The following USP9X variants were observed in gnomAD, a reference collection of about 807,000 sequenced individuals.
USP9X encodes ubiquitin specific peptidase 9 X-linked.
Under a neutral mutation model 190.3 loss-of-function variants are expected in USP9X, and 7 were observed. That is an observed-to-expected ratio of 0.04 (90% CI 0.02 to 0.07). The LOEUF is 0.07. USP9X is among the 10% of genes least tolerant of loss of function. The pLI is 1.00. For missense variants in USP9X, 1,010 were observed against 1,916.9 expected (o/e 0.53, Z 8.83); for synonymous variants, 645 against 659.5 (o/e 0.98, Z 0.34).
intron 12 of USP9X, among the ~76,000 whole-genome samples, chrX:41,150,364 A>G (rs1239474391): frequency 9.0e-6 from 1 of 111,651 alleles, no homozygotes; most frequent in Non-Finnish European, 1.9e-5. Flanking sequence ...TTTTAAGTTT[A>G]TATCTGCCTC....
At chrX:41,131,570 A>G (rs748679574) in intron 4 of USP9X, 34 bp downstream of exon 4, 21 of 1,109,385 alleles carry the variant, frequency 1.9e-5, no homozygotes, top group Admixed American at 2.3e-5. Flanking sequence ...CCTATAATGT[A>G]TGCTACTAGA....
intron 1 of USP9X, among the ~76,000 whole-genome samples, chrX:41,097,518 A>C (rs760362430): frequency 8.9e-6 from 1 of 112,062 alleles, no homozygotes; most frequent in East Asian, 2.8e-4. Flanking sequence ...GGTTACAGCC[A>C]TTGATGATTT....
At chrX:41,143,148 A>G (rs1601967338) in intron 9 of USP9X, 143 bp from the exon 10 acceptor site, 1 of 410,542 alleles carries the variant, frequency 2.4e-6, no homozygotes, top group East Asian at 4.7e-5. Context: ...TTTCCATTAA[A>G]GCAACACATA....
Position 41,215,888 on chromosome X carries a change from G to T in USP9X, c.5332-11G>T. The T allele has an allele frequency of 1.4e-5, 16 of 1,152,198 alleles. No individual in the cohort carries two copies. Among genetic ancestry groups the T allele is most frequent in the Admixed American group, 2.4e-5 (1 of 41,406 alleles). The allele number at this position is 1,152,198 out of a possible 1,213,427, so 95.0% of individuals were successfully genotyped here. On this transcript the variant is annotated splice_polypyrimidine_tract_variant and intron_variant, in intron 34 of 44. Coordinates refer to ENST00000378308, the MANE Select transcript of USP9X (RefSeq NM_001039591.3). ...ATAGAACATCTGGTAACTTTGTCTT[G>T]TTTATTTTAGGTTGATACCGTAAAG...
At chrX:41,190,579 T>C (rs2062924483) in intron 26 of USP9X, among the ~76,000 whole-genome samples, 1 of 111,738 alleles carries the variant, frequency 8.9e-6, no homozygotes, top group African/African-American at 3.3e-5. Flanking sequence ...ATGGTGAGGA[T>C]AGGAAAGATG....
Position 41,168,173 on chromosome X carries a change from G to A in USP9X, c.2591G>A (p.Cys864Tyr). 1.7e-6 allele frequency: 2 copies of A among 1,209,721 alleles called. No homozygotes were observed. Among genetic ancestry groups the A allele is most frequent in the Non-Finnish European group, 2.2e-6 (2 of 894,602 alleles). The change falls in exon 18 of 45, where the codon TGT becomes TAT. Residue 864 changes from cysteine (C) to tyrosine (Y), a missense_variant. Cys to Tyr is a radical substitution (Grantham distance 194). Coordinates refer to ENST00000378308, the MANE Select transcript of USP9X (RefSeq NM_001039591.3). ...LTVLREYINE[C>Y]DSDYHEERTI... The stretch of plus-strand genomic sequence containing the variant: ...GTTTTAAGGGAATATATAAATGAAT[G>A]TGACAGTGATTATCATGAGGAAAGA...
rs377036436 is a variant in USP9X at position 41,184,566 on chromosome X, A to C, written c.3449A>C (p.Asn1150Thr). The C allele has an allele frequency of 3.3e-6, 4 of 1,211,702 alleles. No homozygotes were observed. Among genetic ancestry groups the C allele is most frequent in the Non-Finnish European group, 4.5e-6 (4 of 895,481 alleles). ...GAAACTCGAAGGGGTGCCTACCTCA[A>C]TGCTCTTAAAATAGCCAAGCTTTTG... ...DMETRRGAYLNALKIAKLLLT... is the reference protein window; with the variant it reads ...DMETRRGAYLTALKIAKLLLT... The change falls in exon 23 of 45, where the codon AAT (asparagine) becomes ACT (threonine). Residue 1150 changes from asparagine to threonine, a missense_variant. This residue lies in a region of USP9X where 351 missense variants were observed against 480.8 expected (regional missense o/e 0.73). Transcript: ENST00000378308.
chrX:41,128,207 CAG>C (rs776291666), intron 2 of USP9X, among the ~76,000 whole-genome samples: 537 of 111,783 alleles, frequency 4.8e-3, no homozygotes, highest in South Asian at 7.0e-3. Flanking sequence ...AAATAAAAAA[CAG>C]AAGTTATAAA....
chrX:41,096,871 C>T (rs1479626236), intron 1 of USP9X, among the ~76,000 whole-genome samples: 18 of 112,213 alleles, frequency 1.6e-4, no homozygotes, highest in Non-Finnish European at 5.6e-5. Context: ...TTTTTAAGTT[C>T]TTAAATTTTA....
intron 36 of USP9X, among the ~76,000 whole-genome samples, chrX:41,218,112 G>A (rs1178633148): frequency 9.0e-6 from 1 of 111,645 alleles, no homozygotes; most frequent in African/African-American, 3.3e-5. Context: ...ATAAGGGGGT[G>A]GTATTTTGTC....
chrX:41,222,589 A>G (rs1232858165), intron 38 of USP9X, among the ~76,000 whole-genome samples: 1 of 111,389 alleles, frequency 9.0e-6, no homozygotes, highest in Non-Finnish European at 1.9e-5. Context: ...TGAGGGTTGC[A>G]GTGTTGGTTA....
intron 41 of USP9X, among the ~76,000 whole-genome samples, chrX:41,227,358 AGG>A (rs1455841566): frequency 4.5e-5 from 5 of 111,901 alleles, no homozygotes; most frequent in African/African-American, 1.3e-4. Context: ...AAAAAACTGA[AGG>A]TAAAAGCAAT....
rs10126210 is a variant in USP9X at position 41,086,060 on chromosome X, G to A, written c.-208G>A. On this transcript the variant is annotated 5_prime_UTR_variant, in exon 1 of 45. Transcript: ENST00000378308. The stretch of plus-strand genomic sequence containing the variant: ...GGACCGAGCCCCACCGTCGCCTGGT[G>A]CCTCCCGCCTCCGTGTGCCCTGGTT... The A allele has an allele frequency of 0.034, 10,140 of 296,415 alleles. 129 individuals are homozygous for A. Among genetic ancestry groups the A allele is most frequent in the South Asian group, 0.14 (687 of 4,888 alleles). 24.4% of individuals were successfully genotyped at this position (296,415 alleles called of 1,213,427 possible). A position where few individuals can be genotyped will look rare whatever the true frequency, so the allele number is the denominator to read the frequency against.
At chrX:41,135,694 G>A (rs1286308505) in intron 5 of USP9X, among the ~76,000 whole-genome samples, 2 of 111,364 alleles carry the variant, frequency 1.8e-5, no homozygotes, top group African/African-American at 6.5e-5. Context: ...GTAGTGGTGC[G>A]ATCTCAGCTC....
In USP9X at chrX:41,197,352, C is replaced by CCCCCCAGG; in HGVS notation, c.4234-12_4234-11insCCCCCAGG. ...TTCTTCCCCCCCCCACCCCACCCCC[C>CCCCCCAGG]GCCTTTGGCAGGATGATGTTAAAAG... On this transcript the variant is annotated splice_polypyrimidine_tract_variant and intron_variant, in intron 28 of 44. Coordinates refer to ENST00000378308, the MANE Select transcript of USP9X (RefSeq NM_001039591.3). 21 of 987,856 alleles carry CCCCCCAGG rather than the reference C, an allele frequency of 2.1e-5. No individual in the cohort carries two copies. The highest frequency in any genetic ancestry group is 2.6e-5 in the Non-Finnish European group (20 of 759,062). 81.4% of individuals were successfully genotyped at this position (987,856 alleles called of 1,213,427 possible).
chrX:41,232,172 T>C (rs2063365582), intron 44 of USP9X, among the ~76,000 whole-genome samples: 1 of 111,558 alleles, frequency 9.0e-6, no homozygotes, highest in Non-Finnish European at 1.9e-5. Context: ...ATCACTGCTC[T>C]TATTCAGGGT....
Position 41,235,929 on chromosome X carries a change from C to T in USP9X, c.*3405C>T, listed in dbSNP as rs1173117871. On this transcript the variant is annotated 3_prime_UTR_variant, in exon 45 of 45. Coordinates refer to ENST00000378308, the MANE Select transcript of USP9X (RefSeq NM_001039591.3). ...TCTGTGAATATTCAGATGACTACTT[C>T]GAAGTAATTCAGTTTTTTTATTAGT... 1 of 111,579 alleles carries T rather than the reference C, an allele frequency of 9.0e-6. No individual in the cohort carries two copies. The highest frequency in any genetic ancestry group is 1.9e-5 in the Non-Finnish European group (1 of 53,030). 9.2% of individuals were successfully genotyped at this position (111,579 alleles called of 1,213,427 possible).
At chrX:41,089,512 CG>C (rs1443913885) in intron 1 of USP9X, among the ~76,000 whole-genome samples, 1 of 111,739 alleles carries the variant, frequency 8.9e-6, no homozygotes, top group African/African-American at 3.3e-5. Context: ...TATCTTCCAG[CG>C]TGCTCAGGGT....
chrX:41,123,859 A>G, intron 2 of USP9X, 135 bp downstream of exon 2: 1 of 551,562 alleles, frequency 1.8e-6, no homozygotes, highest in Non-Finnish European at 2.9e-6. Context: ...CCTGGTCAAC[A>G]GGGTGGAACC....
Sources: allele counts gnomAD v4.1 joint callset (sites outside exome capture counted in the v4.1 genomes callset), GRCh38; gene constraint gnomAD v4.1.1; regional missense constraint gnomAD v4.1.1; transcripts MANE v1.5; gene names NCBI Gene and HGNC (gene_info 2026-07-23, HGNC 2026-07-21).